Variants in AVL9 observed in about 807,000 individuals in gnomAD.
The protein encoded by AVL9 is AVL9 cell migration associated.
In AVL9, 49 loss-of-function variants were observed where a neutral mutation model predicts 79.2. The ratio of observed to expected loss-of-function variants is 0.62; its 90% CI spans 0.49 to 0.79. AVL9 has a LOEUF of 0.79. Ranked by LOEUF, AVL9 falls within the 30% of genes least tolerant of loss-of-function variation. The probability of loss-of-function intolerance (pLI) is 0.00; values close to 1 mark genes in which losing one functional copy is unlikely to be tolerated. For synonymous variants in AVL9, 299 were observed against 280.6 expected, an observed-to-expected ratio of 1.07 and a Z score of -0.65; for missense variants, 682 against 776.8, an observed-to-expected ratio of 0.88 and a Z score of 1.45.
chr7:32,566,981 G>A (rs941239253), intron 10 of AVL9, among the ~76,000 whole-genome samples: 1 of 152,224 alleles, frequency 6.6e-6, no homozygotes, highest in Admixed American at 6.5e-5. Context: ...CTTTTCTAAA[G>A]AGCAGTAGCC....
At chr7:32,509,545 C>T (rs946096648) in intron 1 of AVL9, among the ~76,000 whole-genome samples, 2 of 152,088 alleles carry the variant, frequency 1.3e-5, no homozygotes, top group Non-Finnish European at 2.9e-5. Flanking sequence ...ATTGAGAAAC[C>T]AGTTCCAAAG....
chr7:32,575,919 G>A, intron 12 of AVL9, 36 bp from the exon 13 acceptor site: 1 of 1,448,214 alleles, frequency 6.9e-7, no homozygotes. Context: ...AATGGCTACA[G>A]CCCAGCTCAA....
At chr7:32,571,391 G>A (rs1338059064) in intron 11 of AVL9, among the ~76,000 whole-genome samples, 1 of 151,922 alleles carries the variant, frequency 6.6e-6, no homozygotes, top group African/African-American at 2.4e-5. Context: ...AGCTGGGCAT[G>A]GTGGCAGGTG....
At chr7:32,581,399 A>G (rs1442724642) in intron 15 of AVL9, 1 of 152,490 alleles carries the variant, frequency 6.6e-6, no homozygotes, top group Non-Finnish European at 1.5e-5. Context: ...CAGAAATTAA[A>G]AGAACAGAAA....
Position 32,575,965 on chromosome 7 carries a change from G to C in AVL9, c.1581G>C (p.Lys527Asn), listed in dbSNP as rs1791078293. ...ACATTTACTTGACAGACAATGAAAA[G>C]ATATTATCGGACTATGGGACAACTT... ...LAATLQLDNE[K>N]ILSDYGTTFV... The change falls in exon 13 of 16, where the codon AAG (lysine) becomes AAC (asparagine). Residue 527 changes from lysine to asparagine, a missense_variant. Physicochemically the swap from Lys to Asn is moderately conservative, Grantham distance 94 (BLOSUM62 0). Coordinates refer to ENST00000318709, the MANE Select transcript of AVL9 (RefSeq NM_015060.3). 4 of 1,608,020 alleles carry C rather than the reference G, an allele frequency of 2.5e-6. No homozygotes were observed. In the South Asian group the frequency reaches 3.3e-5, roughly 13 times the overall value.
At chr7:32,578,558 A>G (rs181425547) in intron 13 of AVL9, among the ~76,000 whole-genome samples, 10 of 152,340 alleles carry the variant, frequency 6.6e-5, no homozygotes, top group African/African-American at 2.4e-4. Flanking sequence ...CTGTAATTCT[A>G]GCACTTTGGG....
At chr7:32,562,067 A>G (rs563781563) in intron 10 of AVL9, among the ~76,000 whole-genome samples, 3 of 152,350 alleles carry the variant, frequency 2.0e-5, no homozygotes, top group Admixed American at 6.5e-5. Flanking sequence ...TCACAGATCA[A>G]CATAACAAAC....
intron 1 of AVL9, among the ~76,000 whole-genome samples, chr7:32,507,185 C>T (rs1787449062): frequency 6.6e-6 from 1 of 152,028 alleles, no homozygotes; most frequent in Admixed American, 6.6e-5. Context: ...TCCCTCCCAC[C>T]CAGAATCACA....
At chr7:32,546,633 T>C (rs1458220813) in intron 3 of AVL9, among the ~76,000 whole-genome samples, 2 of 151,956 alleles carry the variant, frequency 1.3e-5, no homozygotes, top group South Asian at 2.1e-4. Context: ...CCATCCTGGC[T>C]AACATAGTGA....
intron 6 of AVL9, among the ~76,000 whole-genome samples, chr7:32,552,655 G>A (rs1420502786): frequency 6.6e-6 from 1 of 151,844 alleles, no homozygotes; most frequent in Non-Finnish European, 1.5e-5. Flanking sequence ...CAATTCTCCT[G>A]CCACAGCCTC....
chr7:32,507,968 G>A (rs80209135), intron 1 of AVL9, among the ~76,000 whole-genome samples: 2,510 of 152,174 alleles, frequency 0.016, 67 homozygotes, highest in African/African-American at 0.057. Context: ...CACATTTTTT[G>A]ATTTGTTATG....
intron 10 of AVL9, among the ~76,000 whole-genome samples, chr7:32,564,873 T>G (rs959947463): frequency 3.3e-4 from 50 of 152,112 alleles, no homozygotes; most frequent in African/African-American, 1.2e-3. Flanking sequence ...AATTAGAGGA[T>G]GATTTGTGCC....
At chr7:32,546,639 A>G (rs916210408) in intron 3 of AVL9, among the ~76,000 whole-genome samples, 37 of 151,964 alleles carry the variant, frequency 2.4e-4, no homozygotes, top group Non-Finnish European at 3.7e-4. Flanking sequence ...TGGCTAACAT[A>G]GTGAAACCCC....
chr7:32,546,791 T>C (rs577839720), intron 3 of AVL9, among the ~76,000 whole-genome samples: 1 of 151,858 alleles, frequency 6.6e-6, no homozygotes, highest in Admixed American at 6.6e-5. Flanking sequence ...GCCACTGCAC[T>C]CCAGCCTGGC....
chr7:32,514,444 C>T (rs6462375), intron 1 of AVL9, among the ~76,000 whole-genome samples: 51,042 of 152,112 alleles, frequency 0.34, 8,796 homozygotes, highest in South Asian at 0.44. Context: ...TGTCAGGCCT[C>T]TGAGCCCAAG....
At chr7:32,578,583 G>A (rs1165818591) in intron 13 of AVL9, among the ~76,000 whole-genome samples, 2 of 152,144 alleles carry the variant, frequency 1.3e-5, no homozygotes, top group Non-Finnish European at 2.9e-5. Context: ...TGAGGTGGGC[G>A]GATCACGTGA....
intron 1 of AVL9, among the ~76,000 whole-genome samples, chr7:32,497,456 T>A (rs1056761657): frequency 6.6e-6 from 1 of 152,164 alleles, no homozygotes; most frequent in African/African-American, 2.4e-5. Context: ...TTAATTAAAG[T>A]ATGTAAGATT....
At chr7:32,537,398 AACTC>A (rs1788959802) in intron 1 of AVL9, 1 of 152,034 alleles carries the variant, frequency 6.6e-6, no homozygotes, top group Non-Finnish European at 1.5e-5. Context: ...AAACTAGAAA[AACTC>A]AACAATAGAG....
chr7:32,496,113 ACT>A (rs1786795165), intron 1 of AVL9, among the ~76,000 whole-genome samples: 1 of 151,628 alleles, frequency 6.6e-6, no homozygotes, highest in African/African-American at 2.4e-5. Context: ...GACCGGCCCC[ACT>A]CTCTTCCCCG....
Sources: gnomAD v4.1 joint callset for allele counts (sites outside exome capture counted in the v4.1 genomes callset) on GRCh38, gnomAD v4.1.1 for gene constraint, MANE v1.5 for transcripts, NCBI Gene and HGNC (gene_info 2026-07-23, HGNC 2026-07-21) for gene names.